SORBS2: variants seen among roughly 807,000 people sequenced by gnomAD.
The protein encoded by SORBS2 is sorbin and SH3 domain containing 2.
In SORBS2, 46 loss-of-function variants were observed where a neutral mutation model predicts 97.7. The ratio of observed to expected loss-of-function variants is 0.47; its 90% CI spans 0.37 to 0.60. The LOEUF is 0.60. Ranked by LOEUF, SORBS2 falls within the 20% of genes least tolerant of loss-of-function variation. The pLI, the probability that SORBS2 is intolerant of heterozygous loss-of-function variation, is 0.00. For missense variants in SORBS2, 1,316 were observed against 1,282.3 expected, an observed-to-expected ratio of 1.03 and a Z score of -0.40; for synonymous variants, 476 against 473.4, an observed-to-expected ratio of 1.01 and a Z score of -0.07.
At chr4:185,622,825 C>G in intron 7 of SORBS2, 89 bp downstream of exon 19, 1 of 1,338,464 alleles carries the variant, frequency 7.5e-7, no homozygotes, top group Non-Finnish European at 1.0e-6. Flanking sequence ...TCTCCCAGCT[C>G]GGGAGTGATG....
At chr4:185,712,239 C>T (rs1256304051) in intron 2 of SORBS2, among the ~76,000 whole-genome samples, 2 of 152,166 alleles carry the variant, frequency 1.3e-5, no homozygotes, top group African/African-American at 4.8e-5. Context: ...GGTGGGACTA[C>T]AGATGAATGT....
At chr4:185,905,679 G>C (rs73021812) in intron 1 of SORBS2, among the ~76,000 whole-genome samples, 1 of 152,006 alleles carries the variant, frequency 6.6e-6, no homozygotes, top group Non-Finnish European at 1.5e-5. Context: ...GCCCAGGCTG[G>C]TCTTGTACTC....
intron 1 of SORBS2, among the ~76,000 whole-genome samples, chr4:185,809,165 T>C (rs6850948): frequency 0.18 from 27,284 of 151,924 alleles, 2,565 homozygotes; most frequent in East Asian, 0.31. Context: ...CAGTAACTAA[T>C]AGGAAAATAT....
intron 1 of SORBS2, among the ~76,000 whole-genome samples, chr4:185,855,076 T>A (rs934374723): frequency 2.0e-5 from 3 of 152,360 alleles, no homozygotes; most frequent in African/African-American, 7.2e-5. Context: ...TTTGCCTCTG[T>A]AGAAACCATC....
chr4:185,869,575 C>T (rs915794979), intron 1 of SORBS2, among the ~76,000 whole-genome samples: 4 of 152,200 alleles, frequency 2.6e-5, no homozygotes, highest in Non-Finnish European at 1.5e-5. Context: ...AAGGCAGATG[C>T]GAACATTTCT....
chr4:185,645,766 G>C (rs1254814107), intron 4 of SORBS2: 2 of 152,202 alleles, frequency 1.3e-5, no homozygotes. Flanking sequence ...GATTGCAAAT[G>C]TTTTCCTAGA....
intron 1 of SORBS2, among the ~76,000 whole-genome samples, chr4:185,876,756 A>G (rs1164872213): frequency 6.6e-6 from 1 of 152,186 alleles, no homozygotes; most frequent in African/African-American, 2.4e-5. Context: ...CTATCTAACT[A>G]CTATTGGCTT....
At position 185,767,465 on chromosome 4, in the gene SORBS2, A is replaced by C. The variant is rs573729263; in HGVS notation, c.-198+7762T>G. Among the ~76,000 whole-genome samples, 21 of 134,344 alleles carry C rather than the reference A, an allele frequency of 1.6e-4. 1 individual carries two copies. Among genetic ancestry groups the C allele is most frequent in the Middle Eastern group, 8.0e-3 (2 of 250 alleles). 88.1% of individuals were successfully genotyped at this position (134,344 alleles called of 152,430 possible). ...CAGTGAGCCGAGATCGCGCCCCTGC[A>C]CTCCAGCCTGGGCGACAGAGTGAGA... On this transcript the variant is annotated intron_variant, in intron 2 of 20. Coordinates refer to the SORBS2 transcript ENST00000284776.
At chr4:185,646,965 G>A (rs540702359) in intron 3 of SORBS2, among the ~76,000 whole-genome samples, 183 bp from the exon 13 acceptor site, 18 of 151,834 alleles carry the variant, frequency 1.2e-4, no homozygotes, top group Admixed American at 1.0e-3. Context: ...GTCACATGAG[G>A]GGTTTGTAGA....
intron 1 of SORBS2, among the ~76,000 whole-genome samples, chr4:185,837,587 G>C (rs950989908): frequency 1.3e-5 from 2 of 152,188 alleles, no homozygotes; most frequent in Admixed American, 1.3e-4. Flanking sequence ...TAACTGAATA[G>C]GTTGAGGTAG....
intron 1 of SORBS2, among the ~76,000 whole-genome samples, chr4:185,804,530 T>G (rs1280130006): frequency 6.6e-6 from 1 of 152,192 alleles, no homozygotes; most frequent in African/African-American, 2.4e-5. Flanking sequence ...GGGAAATAAT[T>G]TAAGATTGCA....
intron 1 of SORBS2, among the ~76,000 whole-genome samples, chr4:185,949,077 G>A (rs1362890316): frequency 2.6e-5 from 4 of 151,798 alleles, no homozygotes; most frequent in Non-Finnish European, 5.9e-5. Context: ...AAATTTCCAG[G>A]AAACAGGAGG....
At chr4:185,899,767 A>G (rs1222959010) in intron 1 of SORBS2, among the ~76,000 whole-genome samples, 1 of 152,244 alleles carries the variant, frequency 6.6e-6, no homozygotes, top group Non-Finnish European at 1.5e-5. Flanking sequence ...GTAGAGCCCA[A>G]CGAGTATTAT....
chr4:185,866,115 T>C (rs921261681), intron 1 of SORBS2, among the ~76,000 whole-genome samples: 4 of 152,208 alleles, frequency 2.6e-5, no homozygotes, highest in African/African-American at 9.7e-5. Flanking sequence ...AATTCTTGCA[T>C]TGGTTTCTGT....
intron 9 of SORBS2, among the ~76,000 whole-genome samples, chr4:185,617,649 A>G (rs1005747761): frequency 6.6e-6 from 1 of 152,216 alleles, no homozygotes; most frequent in Non-Finnish European, 1.5e-5. Context: ...CACATAGGCC[A>G]CAAAAAATCT....
intron 1 of SORBS2, among the ~76,000 whole-genome samples, chr4:185,932,004 A>C (rs6552937): frequency 0.74 from 107,652 of 146,218 alleles, 39,218 homozygotes; most frequent in Middle Eastern, 0.84. Context: ...CTCTCTCTCT[A>C]TATATATATA....
Position 185,656,644 on chromosome 4 carries a change from C to G in SORBS2, c.-6G>C, listed in dbSNP as rs766029731. ...AAAGGTGTTGTTGCTTTCATCCTGT[C>G]CCCGGCTTCCTTCTCCCGGCTGGCA... On this transcript the variant is annotated 5_prime_UTR_variant, in exon 1 of 15. Transcript: ENST00000418609. The G allele has an allele frequency of 6.6e-5, 103 of 1,550,960 alleles. No homozygotes were observed. In the East Asian group the frequency reaches 2.0e-3, roughly 30 times the overall value.
Position 185,809,502 on chromosome 4 carries a change from G to A in SORBS2, c.-337-34136C>T, listed in dbSNP as rs116445357. ...AAAAAATCTGATATAGTATGTTTTG[G>A]AAATTCCAAAATATTTGATATTGCC... is the stretch of plus-strand genomic sequence containing the variant. On this transcript the variant is annotated intron_variant, in intron 1 of 20. Coordinates refer to the SORBS2 transcript ENST00000284776. Among the ~76,000 whole-genome samples, 790 of 131,206 alleles carry A rather than the reference G, an allele frequency of 6.0e-3. 6 individuals carry two copies. Among genetic ancestry groups the A allele is most frequent in the Middle Eastern group, 0.015 (3 of 204 alleles). 86.1% of individuals were successfully genotyped at this position (131,206 alleles called of 152,430 possible).
chr4:185,718,486 C>A (rs1416682359), intron 2 of SORBS2, among the ~76,000 whole-genome samples: 1 of 152,060 alleles, frequency 6.6e-6, no homozygotes, highest in Non-Finnish European at 1.5e-5. Flanking sequence ...CAGGAGAGTT[C>A]AAGGAAGCCA....
Sources: gnomAD v4.1 joint callset for allele counts (sites outside exome capture counted in the v4.1 genomes callset) on GRCh38, gnomAD v4.1.1 for gene constraint, MANE v1.5 for transcripts, NCBI Gene and HGNC (gene_info 2026-07-23, HGNC 2026-07-21) for gene names.